Variants in FLNB observed in about 807,000 individuals in gnomAD.
The protein encoded by FLNB is filamin-B.
A neutral mutation model predicts 250.6 loss-of-function variants in FLNB; 111 were observed. That is an observed-to-expected ratio of 0.44 (90% CI 0.38 to 0.52). The LOEUF is 0.52. Ranked by LOEUF, FLNB falls within the 20% of genes least tolerant of loss-of-function variation. The probability of loss-of-function intolerance (pLI) is 0.00; values close to 1 mark genes in which losing one functional copy is unlikely to be tolerated. For missense variants in FLNB, 2,869 were observed against 3,447.8 expected (o/e 0.83, Z 4.20); for synonymous variants, 1,302 against 1,372.1 (o/e 0.95, Z 1.13).
At position 58,132,812 on chromosome 3, in the gene FLNB, G is replaced by C. The variant is rs2097309668; in HGVS notation, c.4395G>C (p.Leu1465Phe). 6.2e-7 allele frequency: 1 copy of C among 1,614,118 alleles called. No homozygotes were observed. Among genetic ancestry groups the C allele is most frequent in the Non-Finnish European group, 8.5e-7 (1 of 1,180,012 alleles). Residue 1465 changes from leucine to phenylalanine, a missense_variant, in exon 26 of 46, where the codon TTG (leucine) becomes TTC (phenylalanine). By Grantham distance (22) the Leu-to-Phe change is conservative (BLOSUM62 0). Transcript: ENST00000295956. ...LEVRVLGPRG[L>F]VEPVNVVDNG... Reference sequence around the variant, plus strand: ...ACCTCTCATCTCTGTCCTCAGGCTTGGTGGAGCCAGTGAACGTGGTGGACA... The same window carrying C: ...ACCTCTCATCTCTGTCCTCAGGCTTCGTGGAGCCAGTGAACGTGGTGGACA...
chr3:58,123,046 T>C (rs1310870405), intron 20 of FLNB, 47 bp from the exon 21 acceptor site: 5 of 1,537,380 alleles, frequency 3.3e-6, no homozygotes, highest in Non-Finnish European at 4.5e-6. Context: ...CAGTGCTGGC[T>C]GAGCAGCGAT....
chr3:58,169,728 G>T lies in FLNB; in HGVS notation c.7556G>T (p.Gly2519Val). The change falls in exon 45 of 46, where the codon GGG becomes GTG. Residue 2519 changes from glycine to valine, a missense_variant. By Grantham distance (109) the Gly-to-Val change is moderately radical (BLOSUM62 -3). This residue lies in a region of FLNB where 1,084 missense variants were observed against 1,315.5 expected (regional missense o/e 0.82). Transcript: ENST00000295956. The surrounding 1 kb of genome is among the most constrained non-coding windows in gnomAD (Gnocchi z 4.8). ...GACGCCAGCAAGGTGACCTCTAAGG[G>T]GGCAGGGCTCTCAAAGGCCTTTGTG... ...SSDASKVTSK[G>V]AGLSKAFVGQ... is the part of the protein sequence containing the mutation. 6.2e-7 allele frequency: 1 copy of T among 1,614,140 alleles called. No homozygotes were observed. Among genetic ancestry groups the T allele is most frequent in the Admixed American group, 1.7e-5 (1 of 60,026 alleles).
At chr3:58,154,580 T>A in intron 39 of FLNB, 4 of 521,058 alleles carry the variant, frequency 7.7e-6, no homozygotes, top group East Asian at 3.5e-5. Flanking sequence ...TTCAGAGGAC[T>A]CCAGATGTCC....
chr3:58,088,432 C>T (rs1215445527), intron 4 of FLNB, among the ~76,000 whole-genome samples: 1 of 152,134 alleles, frequency 6.6e-6, no homozygotes, highest in Non-Finnish European at 1.5e-5. Flanking sequence ...TAGGACTTTT[C>T]CTAATTCTTT....
intron 1 of FLNB, among the ~76,000 whole-genome samples, chr3:58,020,985 A>C (rs943983473): frequency 3.2e-4 from 49 of 152,206 alleles, no homozygotes; most frequent in African/African-American, 1.1e-3. Flanking sequence ...GGGGCAGGAA[A>C]GGTTTCTTGG....
At chr3:58,068,468 C>T (rs926228168) in intron 1 of FLNB, among the ~76,000 whole-genome samples, 2 of 152,110 alleles carry the variant, frequency 1.3e-5, no homozygotes, top group African/African-American at 4.8e-5. Flanking sequence ...GGCAGCTGAC[C>T]GACATGGTCC....
intron 33 of FLNB, 130 bp from the exon 34 acceptor site, chr3:58,146,690 C>T (rs2097336272): frequency 1.1e-6 from 1 of 910,290 alleles, no homozygotes; most frequent in African/African-American, 1.6e-5. Flanking sequence ...CCTTTGCCCA[C>T]AGCTCACGTG....
At chr3:58,168,713 C>A (rs765539835) in intron 44 of FLNB, 55 bp downstream of exon 44, 22 of 1,274,168 alleles carry the variant, frequency 1.7e-5, no homozygotes, top group Non-Finnish European at 2.5e-5. Flanking sequence ...CTGGTTGTGT[C>A]AGATCAATCA....
rs3772997 is a variant in FLNB, at chr3:58,097,099, C to G, written c.985-716C>G. 1.2e-3 allele frequency among the ~76,000 whole-genome samples: 180 copies of G among 152,244 alleles called. 1 individual carries two copies. Among genetic ancestry groups the G allele is most frequent in the East Asian group, 8.1e-3 (42 of 5,174 alleles). On this transcript the variant is annotated intron_variant, in intron 6 of 45. Transcript: ENST00000295956. ...GTACACTTTTCATTGGAAGAAAGCC[C>G]TCAACAGCACATAAAGGCCAATCCC... is the stretch of plus-strand genomic sequence containing the variant.
chr3:58,164,370 C>T lies in FLNB; in HGVS notation c.7198+1040C>T, dbSNP rs1488803728. On this transcript the variant is annotated intron_variant, in intron 43 of 45. Transcript: ENST00000295956. The surrounding 1 kb of genome is among the most constrained non-coding windows in gnomAD (Gnocchi z 4.0). ...GCAGGGGAAGTGCGCAGTGTGGACTCACTGGGGCATGTTTGCATTTGGTGT... is the reference window on the plus strand; with the variant it reads ...GCAGGGGAAGTGCGCAGTGTGGACTTACTGGGGCATGTTTGCATTTGGTGT... 1.3e-5 allele frequency: 2 copies of T among 152,394 alleles called. No individual in the cohort carries two copies. The highest frequency in any genetic ancestry group is 4.8e-5 in the African/African-American group (2 of 41,456). The allele number at this position is 152,394 out of a possible 1,614,324, so 9.4% of individuals were successfully genotyped here. A position where few individuals can be genotyped will look rare whatever the true frequency, so the allele number is the denominator to read the frequency against.
intron 24 of FLNB, among the ~76,000 whole-genome samples, chr3:58,127,231 A>T (rs185563375): frequency 1.6e-4 from 25 of 151,624 alleles, no homozygotes; most frequent in Admixed American, 1.5e-3. Context: ...GGGGGCTGTG[A>T]TGGGACGATG....
chr3:58,094,131 C>T (rs766136434), intron 4 of FLNB, among the ~76,000 whole-genome samples: 7 of 152,208 alleles, frequency 4.6e-5, no homozygotes, highest in South Asian at 2.1e-4. Context: ...CATGCTCTGC[C>T]GCCTAGGATG....
chr3:58,030,886 AAAC>A (rs1227658148), intron 1 of FLNB, among the ~76,000 whole-genome samples: 9 of 152,188 alleles, frequency 5.9e-5, no homozygotes, highest in Non-Finnish European at 7.3e-5. Context: ...CCTGTCTCAA[AAAC>A]AACAACAACA....
chr3:58,093,144 G>A (rs1411362655), intron 4 of FLNB, among the ~76,000 whole-genome samples: 1 of 152,114 alleles, frequency 6.6e-6, no homozygotes, highest in African/African-American at 2.4e-5. Flanking sequence ...CAGAACTCAG[G>A]GAAACACTTA....
At chr3:58,090,434 T>G (rs1327768623) in intron 4 of FLNB, among the ~76,000 whole-genome samples, 1 of 152,214 alleles carries the variant, frequency 6.6e-6, no homozygotes, top group East Asian at 1.9e-4. Flanking sequence ...CATAAACCAG[T>G]AGCATTGTCA....
Position 58,171,033 on chromosome 3 carries a change from C to T in FLNB, c.*271C>T. The T allele has an allele frequency of 2.2e-6, 1 of 457,604 alleles. No homozygotes were observed. Among genetic ancestry groups the T allele is most frequent in the Non-Finnish European group, 4.0e-6 (1 of 250,096 alleles). 28.3% of individuals were successfully genotyped at this position (457,604 alleles called of 1,614,324 possible). ...AGAACTCTTGGTGGAACAGACCAGC[C>T]ACTGCAGCAGACAGACCAGGAACAC... On this transcript the variant is annotated 3_prime_UTR_variant, in exon 46 of 46. Transcript: ENST00000295956. This position sits in a 1 kb window ranked among gnomAD's most constrained non-coding sequence, Gnocchi z 5.5.
chr3:58,167,254 G>A (rs1358079569), intron 43 of FLNB, among the ~76,000 whole-genome samples: 1 of 152,228 alleles, frequency 6.6e-6, no homozygotes, highest in African/African-American at 2.4e-5. Flanking sequence ...CAGAGCTGCT[G>A]CTTGAGGGGC....
intron 32 of FLNB, 47 bp from the exon 33 acceptor site, chr3:58,145,874 C>T (rs2097335052): frequency 5.0e-6 from 8 of 1,613,510 alleles, no homozygotes; most frequent in African/African-American, 1.3e-5. Flanking sequence ...GGTCTTCGTT[C>T]ACCCCTTAAT....
At chr3:58,078,968 A>G (rs116551325) in intron 3 of FLNB, among the ~76,000 whole-genome samples, 154 bp downstream of exon 3, 1 of 152,158 alleles carries the variant, frequency 6.6e-6, no homozygotes, top group Non-Finnish European at 1.5e-5. Flanking sequence ...GTTTACCCAT[A>G]ATAATAGTAG....
Sources: allele counts gnomAD v4.1 joint callset (sites outside exome capture counted in the v4.1 genomes callset), GRCh38; gene constraint gnomAD v4.1.1; regional missense constraint gnomAD v4.1.1; non-coding constraint Gnocchi (gnomAD v3.1); transcripts MANE v1.5; gene names NCBI Gene and HGNC (gene_info 2026-07-23, HGNC 2026-07-21).